Variants in GALNT12 observed in about 807,000 individuals in gnomAD.
The protein encoded by GALNT12 is polypeptide N-acetylgalactosaminyltransferase 12.
GALNT12 carries 45 observed loss-of-function variants against 55.5 expected under a neutral mutation model. The ratio of observed to expected loss-of-function variants is 0.81; its 90% confidence interval spans 0.64 to 1.04. GALNT12 has a LOEUF of 1.04. GALNT12 is among the 50% of genes least tolerant of loss of function. The pLI, the probability that GALNT12 is intolerant of heterozygous loss-of-function variation, is 0.00. For missense variants in GALNT12, 709 were observed against 754.8 expected, an observed-to-expected ratio of 0.94 and a Z score of 0.71; for synonymous variants, 304 against 312.2, an observed-to-expected ratio of 0.97 and a Z score of 0.28.
intron 3 of GALNT12, among the ~76,000 whole-genome samples, chr9:98,829,153 T>TTTATC (rs1554755714): frequency 3.5e-4 from 49 of 141,982 alleles, no homozygotes; most frequent in African/African-American, 1.2e-3. Context: ...GTAATTTTTT[T>TTTATC]TATCTATCTA....
At chr9:98,828,862 C>G (rs766414796) in intron 3 of GALNT12, among the ~76,000 whole-genome samples, 21 of 152,128 alleles carry the variant, frequency 1.4e-4, no homozygotes, top group South Asian at 6.2e-4. Flanking sequence ...CAGAGTCTCA[C>G]TCTGTCACCC....
intron 8 of GALNT12, among the ~76,000 whole-genome samples, chr9:98,845,510 C>T (rs1446303615): frequency 3.3e-5 from 5 of 152,128 alleles, no homozygotes; most frequent in Admixed American, 6.5e-5. Context: ...TTCCCGTTAG[C>T]GGTCACATTG....
At chr9:98,829,183 ATCT>A (rs1835934841) in intron 3 of GALNT12, among the ~76,000 whole-genome samples, 1 of 149,248 alleles carries the variant, frequency 6.7e-6, no homozygotes. Context: ...CTATCTATCT[ATCT>A]ATCTATCTAT....
At chr9:98,821,894 T>A (rs1228361574) in intron 1 of GALNT12, among the ~76,000 whole-genome samples, 1 of 152,178 alleles carries the variant, frequency 6.6e-6, no homozygotes, top group African/African-American at 2.4e-5. Context: ...ACAATCACTT[T>A]CTGTAATTCC....
At chr9:98,832,496 C>T (rs78567956) in intron 4 of GALNT12, among the ~76,000 whole-genome samples, 1 of 151,958 alleles carries the variant, frequency 6.6e-6, no homozygotes, top group Non-Finnish European at 1.5e-5. Flanking sequence ...TGCAGCCGGG[C>T]GATAGAGTGA....
intron 6 of GALNT12, among the ~76,000 whole-genome samples, chr9:98,838,276 T>G (rs1224818839): frequency 6.6e-6 from 1 of 152,164 alleles, no homozygotes; most frequent in Non-Finnish European, 1.5e-5. Context: ...TCTCACCATA[T>G]GTCATGGTCA....
intron 6 of GALNT12, among the ~76,000 whole-genome samples, chr9:98,837,595 C>T (rs1390821490): frequency 1.3e-5 from 2 of 152,198 alleles, no homozygotes; most frequent in East Asian, 3.8e-4. Flanking sequence ...GTGTTATTTT[C>T]TCTTCATCAC....
chr9:98,841,672 CT>C (rs112387878), intron 7 of GALNT12, among the ~76,000 whole-genome samples: 561 of 142,922 alleles, frequency 3.9e-3, no homozygotes, highest in Middle Eastern at 7.5e-3. Context: ...ACGACAAATT[CT>C]TTTTTTTTTT....
At chr9:98,819,959 A>T (rs1835698672) in intron 1 of GALNT12, among the ~76,000 whole-genome samples, 1 of 152,226 alleles carries the variant, frequency 6.6e-6, no homozygotes, top group Non-Finnish European at 1.5e-5. Context: ...AGTGGTTTTG[A>T]AGGTAAAATG....
intron 8 of GALNT12, 35 bp downstream of exon 8, chr9:98,844,244 T>C (rs1836362868): frequency 7.5e-7 from 1 of 1,330,530 alleles, no homozygotes; most frequent in South Asian, 1.2e-5. Context: ...GAAAGCTGTG[T>C]GTTTTGTTAA....
intron 1 of GALNT12, among the ~76,000 whole-genome samples, chr9:98,819,002 G>T (rs1453492694): frequency 1.3e-5 from 2 of 152,252 alleles, no homozygotes; most frequent in Non-Finnish European, 2.9e-5. Flanking sequence ...GATTGTACTG[G>T]CTGTTGGCAG....
intron 8 of GALNT12, 70 bp downstream of exon 8, chr9:98,844,279 T>A: frequency 9.5e-7 from 1 of 1,056,734 alleles, no homozygotes; most frequent in Non-Finnish European, 1.5e-6. Context: ...TGAATTTTTT[T>A]CTTGTAAAAG....
Position 98,849,467 on chromosome 9 carries a change from C to T in GALNT12, c.*375C>T. 3 of 534,902 alleles carry T rather than the reference C, an allele frequency of 5.6e-6. No homozygotes were observed. Among genetic ancestry groups the T allele is most frequent in the Middle Eastern group, 4.8e-4 (1 of 2,096 alleles). The allele number at this position is 534,902 out of a possible 1,614,324, so 33.1% of individuals were successfully genotyped here. A position where few individuals can be genotyped will look rare whatever the true frequency, so the allele number is the denominator to read the frequency against. On this transcript the variant is annotated 3_prime_UTR_variant, in exon 10 of 10. Transcript: ENST00000375011. Reference sequence around the variant, plus strand: ...TTTATTTTGGTATTTACAAGAATTCCCAGGTACGAAGATATCTGCATGGGT... The same window carrying T: ...TTTATTTTGGTATTTACAAGAATTCTCAGGTACGAAGATATCTGCATGGGT...
intron 1 of GALNT12, among the ~76,000 whole-genome samples, chr9:98,817,353 T>G (rs955159778): frequency 6.6e-6 from 1 of 152,238 alleles, no homozygotes; most frequent in Admixed American, 6.5e-5. Context: ...ATTCAGGGGC[T>G]TAATAATGAA....
chr9:98,810,327 G>A (rs1283893276), intron 1 of GALNT12, among the ~76,000 whole-genome samples: 1 of 152,104 alleles, frequency 6.6e-6, no homozygotes, highest in African/African-American at 2.4e-5. Context: ...CACACCCCCA[G>A]GTCACATAGC....
intron 1 of GALNT12, among the ~76,000 whole-genome samples, chr9:98,811,320 G>A (rs1835491072): frequency 6.6e-6 from 1 of 152,226 alleles, no homozygotes; most frequent in South Asian, 2.1e-4. Context: ...TATTAGTAAT[G>A]TTGTACCAAA....
Position 98,849,053 on chromosome 9 carries a change from G to A in GALNT12, c.1707G>A (p.Ser569=), listed in dbSNP as rs2273846. Residue 569 remains serine (S), a synonymous_variant, in exon 10 of 10, where the codon TCG becomes TCA. Transcript: ENST00000375011. ...CACTCTTACGAGACTGCACCAACTC[G>A]GATCATCAGAAATGGTTCTTCAAAG... ...FVPLLRDCTN[S]DHQKWFFKER... 72 of 1,614,088 alleles carry A rather than the reference G, an allele frequency of 4.5e-5. No homozygotes were observed. In the African/African-American group the frequency reaches 6.0e-4, roughly 13 times the overall value.
In GALNT12 at chr9:98,826,856, G is replaced by T. The variant is rs770798296; in HGVS notation, c.646G>T (p.Ala216Ser). The T allele has an allele frequency of 1.0e-5, 16 of 1,605,920 alleles. 1 individual carries two copies. Among genetic ancestry groups the T allele is most frequent in the Middle Eastern group, 1.7e-4 (1 of 5,794 alleles). The change falls in exon 3 of 10, where the codon GCG becomes TCG. Residue 216 changes from alanine (A) to serine (S), a missense_variant. Transcript: ENST00000375011. ...EGLVRARLLGASAARGDVLTF... is the reference protein window; with the variant it reads ...EGLVRARLLGSSAARGDVLTF... ...CCTGGTGCGAGCCCGGCTGCTGGGG[G>T]CGTCTGCGGCGAGGGGCGATGTTCT...
At chr9:98,828,183 AG>A (rs1835905716) in intron 3 of GALNT12, among the ~76,000 whole-genome samples, 1 of 152,150 alleles carries the variant, frequency 6.6e-6, no homozygotes, top group Non-Finnish European at 1.5e-5. Context: ...CATGGTTGTT[AG>A]GGTTGTCTGA....
Sources: gnomAD v4.1 joint callset for allele counts (sites outside exome capture counted in the v4.1 genomes callset) on GRCh38, gnomAD v4.1.1 for gene constraint, MANE v1.5 for transcripts, NCBI Gene and HGNC (gene_info 2026-07-23, HGNC 2026-07-21) for gene names.